PARD3: variants seen among roughly 807,000 people sequenced by gnomAD.
PARD3 encodes the protein partitioning defective 3 homolog.
In PARD3, 75 loss-of-function variants were observed where a neutral mutation model predicts 155.4. That is an observed-to-expected ratio of 0.48 (90% CI 0.40 to 0.58). PARD3 has a LOEUF of 0.58. PARD3 is among the 20% of genes least tolerant of loss of function. The probability of loss-of-function intolerance (pLI) is 0.00; values close to 1 mark genes in which losing one functional copy is unlikely to be tolerated. For missense variants in PARD3, 1,642 were observed against 1,721.7 expected (o/e 0.95, Z 0.82); for synonymous variants, 576 against 610.5 (o/e 0.94, Z 0.83).
intron 22 of PARD3, among the ~76,000 whole-genome samples, chr10:34,247,169 G>A (rs1218409862): frequency 6.6e-6 from 1 of 152,100 alleles, no homozygotes; most frequent in African/African-American, 2.4e-5. Context: ...TAGAAAGGAA[G>A]AGGGAAATGT....
chr10:34,353,407 T>C (rs1838408522), intron 14 of PARD3, among the ~76,000 whole-genome samples: 1 of 152,256 alleles, frequency 6.6e-6, no homozygotes, highest in South Asian at 2.1e-4. Flanking sequence ...TGTTAATCTA[T>C]AACCTTACCC....
intron 2 of PARD3, among the ~76,000 whole-genome samples, chr10:34,658,625 T>C (rs375287860): frequency 9.2e-5 from 14 of 151,654 alleles, no homozygotes; most frequent in African/African-American, 2.7e-4. Flanking sequence ...GGGGAAAAAA[T>C]CTAAAAACGA....
chr10:34,616,085 G>A (rs1473616033), intron 2 of PARD3, among the ~76,000 whole-genome samples: 1 of 152,184 alleles, frequency 6.6e-6, no homozygotes, highest in African/African-American at 2.4e-5. Flanking sequence ...TTAGGAGGCA[G>A]AGGCGGGTGG....
At chr10:34,751,105 C>T (rs1017720343) in intron 1 of PARD3, among the ~76,000 whole-genome samples, 1 of 152,154 alleles carries the variant, frequency 6.6e-6, no homozygotes, top group African/African-American at 2.4e-5. Flanking sequence ...GTCACTTCCA[C>T]ACACTGTTGA....
chr10:34,604,668 A>G (rs1310526793), intron 2 of PARD3, among the ~76,000 whole-genome samples: 1 of 149,304 alleles, frequency 6.7e-6, no homozygotes, highest in Non-Finnish European at 1.5e-5. Flanking sequence ...TATTAGTTCT[A>G]TATTACATAT....
At chr10:34,377,922 A>C in intron 10 of PARD3, 45 bp downstream of exon 10, 1 of 1,426,300 alleles carries the variant, frequency 7.0e-7, no homozygotes, top group African/African-American at 1.5e-5. Flanking sequence ...CTGGAAATGG[A>C]ACATTTCAAG....
chr10:34,629,726 C>G (rs1180306782), intron 2 of PARD3, among the ~76,000 whole-genome samples: 1 of 152,160 alleles, frequency 6.6e-6, no homozygotes, highest in Non-Finnish European at 1.5e-5. Context: ...TTGTCATAAC[C>G]CTTTGTTTAG....
At chr10:34,386,561 G>A (rs4534519) in intron 7 of PARD3, among the ~76,000 whole-genome samples, 1 of 152,042 alleles carries the variant, frequency 6.6e-6, no homozygotes, top group African/African-American at 2.4e-5. Context: ...AGTGGTTCAC[G>A]CCTGTAATCC....
chr10:34,422,385 AC>A (rs1316901883), intron 5 of PARD3, among the ~76,000 whole-genome samples: 10 of 152,314 alleles, frequency 6.6e-5, no homozygotes, highest in Admixed American at 4.6e-4. Context: ...TCAGATATGA[AC>A]CCAAAGCACA....
chr10:34,594,807 A>G (rs2089093809), intron 2 of PARD3, among the ~76,000 whole-genome samples: 1 of 152,204 alleles, frequency 6.6e-6, no homozygotes, highest in Admixed American at 6.5e-5. Context: ...CAGGCTGGGC[A>G]AAAGTGTGAG....
At chr10:34,301,112 G>A (rs1282784339) in intron 20 of PARD3, among the ~76,000 whole-genome samples, 2 of 152,100 alleles carry the variant, frequency 1.3e-5, no homozygotes, top group East Asian at 1.9e-4. Context: ...ACAGTGCCAC[G>A]AAAAAAGCTC....
chr10:34,734,703 T>A (rs997009285), intron 1 of PARD3, among the ~76,000 whole-genome samples: 2 of 152,130 alleles, frequency 1.3e-5, no homozygotes, highest in African/African-American at 4.8e-5. Flanking sequence ...GGTCCCTACC[T>A]TACCAAATAC....
At chr10:34,626,770 G>A (rs1407022066) in intron 2 of PARD3, among the ~76,000 whole-genome samples, 1 of 152,020 alleles carries the variant, frequency 6.6e-6, no homozygotes, top group East Asian at 1.9e-4. Context: ...ATAATTTCAG[G>A]GCAAGCTTTC....
chr10:34,675,816 A>G (rs2093694011), intron 2 of PARD3: 1 of 191,926 alleles, frequency 5.2e-6, no homozygotes, highest in Non-Finnish European at 1.1e-5. Flanking sequence ...AATTAGGCTA[A>G]TCTGGTGTTC....
intron 2 of PARD3, among the ~76,000 whole-genome samples, chr10:34,683,367 C>T (rs959703829): frequency 1.3e-5 from 2 of 151,812 alleles, no homozygotes; most frequent in African/African-American, 2.4e-5. Flanking sequence ...TATAACTACA[C>T]ATGTATCTCC....
chr10:34,285,887 T>G (rs2133942216), intron 20 of PARD3, among the ~76,000 whole-genome samples: 1 of 152,230 alleles, frequency 6.6e-6, no homozygotes, highest in South Asian at 2.1e-4. Flanking sequence ...TATTATACAG[T>G]AATCAAAAAC....
At chr10:34,210,175 C>T (rs551893059) in intron 22 of PARD3, among the ~76,000 whole-genome samples, 4 of 152,108 alleles carry the variant, frequency 2.6e-5, no homozygotes, top group Non-Finnish European at 5.9e-5. Flanking sequence ...TCTCTGTTAT[C>T]ATAATCAATG....
At chr10:34,555,774 AC>A (rs556873302) in intron 2 of PARD3, among the ~76,000 whole-genome samples, 34 of 151,788 alleles carry the variant, frequency 2.2e-4, no homozygotes, top group African/African-American at 8.0e-4. Flanking sequence ...TACCTACCTA[AC>A]CCCCATCCAA....
intron 9 of PARD3, among the ~76,000 whole-genome samples, chr10:34,382,153 T>TTGGACTTAC (rs1165592188): frequency 2.6e-5 from 4 of 152,076 alleles, no homozygotes. Context: ...GCTGGACTTA[T>TTGGACTTAC]ACAGCAAATG....
Sources: gnomAD v4.1 joint callset for allele counts (sites outside exome capture counted in the v4.1 genomes callset) on GRCh38, gnomAD v4.1.1 for gene constraint, MANE v1.5 for transcripts, NCBI Gene and HGNC (gene_info 2026-07-23, HGNC 2026-07-21) for gene names.